The following DNAH10 variants were observed in gnomAD, a reference collection of about 807,000 sequenced individuals.
The protein encoded by DNAH10 is axonemal beta dynein heavy chain 10.
DNAH10 carries 348 observed loss-of-function variants against 506.6 expected under a neutral mutation model. The observed-to-expected ratio is 0.69, with a 90% CI of 0.63 to 0.75. The LOEUF is 0.75. Ranked by LOEUF, DNAH10 falls within the 30% of genes least tolerant of loss-of-function variation. The probability of loss-of-function intolerance (pLI) is 0.00; values close to 1 mark genes in which losing one functional copy is unlikely to be tolerated. For missense variants in DNAH10, 5,179 were observed against 5,787.1 expected (o/e 0.89, Z 3.41); for synonymous variants, 2,059 against 2,198.6 (o/e 0.94, Z 1.78).
intron 10 of DNAH10, among the ~76,000 whole-genome samples, chr12:123,788,574 C>T (rs1442964645): frequency 6.6e-6 from 1 of 152,120 alleles, no homozygotes; most frequent in Admixed American, 6.5e-5. Context: ...GTGGCAGTGC[C>T]CAGCCCGAGA....
intron 18 of DNAH10, among the ~76,000 whole-genome samples, chr12:123,805,921 C>T (rs1328091515): frequency 1.3e-5 from 2 of 151,860 alleles, no homozygotes; most frequent in East Asian, 1.9e-4. Flanking sequence ...GGACTACAGG[C>T]GCCCACCACT....
chr12:123,902,109 T>C lies in DNAH10; in HGVS notation c.9641-830T>C, dbSNP rs541988223. 5.9e-5 allele frequency among the ~76,000 whole-genome samples: 9 copies of C among 152,264 alleles called. No individual in the cohort carries two copies. The highest frequency in any genetic ancestry group is 3.9e-4 in the Admixed American group (6 of 15,294). On this transcript the variant is annotated intron_variant, in intron 56 of 78. Transcript: ENST00000673944. The surrounding 1 kb of genome is among the most constrained non-coding windows in gnomAD (Gnocchi z 4.5). ...CCTTGGTATTCCTTAGCTTAGCTTA[T>C]AAATGCACCACTCCAGCGTCTGTCT...
At chr12:123,933,577 A>G (rs1036900167) in intron 77 of DNAH10, 66 bp downstream of exon 77, 1 of 1,505,430 alleles carries the variant, frequency 6.6e-7, no homozygotes, top group East Asian at 2.4e-5. Flanking sequence ...ACCACCTCCA[A>G]CTCAAAGGGA....
intron 76 of DNAH10, 91 bp from the exon 77 acceptor site, chr12:123,933,240 C>A: frequency 1.6e-6 from 2 of 1,252,364 alleles, no homozygotes; most frequent in Non-Finnish European, 2.1e-6. Flanking sequence ...TGAAATATGT[C>A]TTTTATCATA....
intron 13 of DNAH10, among the ~76,000 whole-genome samples, chr12:123,797,414 A>T (rs1161139534): frequency 2.2e-5 from 3 of 138,402 alleles, no homozygotes; most frequent in African/African-American, 5.1e-5. Flanking sequence ...TTTTTTTAAG[A>T]CAAGGTCTTG....
intron 24 of DNAH10, among the ~76,000 whole-genome samples, chr12:123,821,017 AG>A (rs1283528892): frequency 6.6e-6 from 1 of 152,192 alleles, no homozygotes; most frequent in East Asian, 1.9e-4. Context: ...TGGGAGGCCA[AG>A]GCGGGTGCAT....
rs1951026532 is a variant in DNAH10 at position 123,848,053 on chromosome 12, G to A, written c.5907G>A (p.Leu1969=). 1.9e-6 allele frequency: 3 copies of A among 1,613,850 alleles called. No homozygotes were observed. The South Asian group carries it at 3.3e-5, about 18-fold the overall frequency. The change falls in exon 33 of 79, where the codon TTG becomes TTA. Residue 1969 remains leucine, a synonymous_variant. Coordinates refer to ENST00000673944, the MANE Select transcript of DNAH10 (RefSeq NM_001372106.1). ...AGGACCTGGCGAAAGCCTTGGGCTT[G>A]CTCTGTGTTGTCACCAACTGTGGCG... The part of the protein sequence containing the change: ...TTKDLAKALG[L]LCVVTNCGEG...
intron 73 of DNAH10, among the ~76,000 whole-genome samples, 170 bp from the exon 74 acceptor site, chr12:123,931,144 GGTCGAGGCTGTAGTGATCAATGACCAT>G (rs1955186912): frequency 6.6e-6 from 1 of 152,184 alleles, no homozygotes. Context: ...GAGCCCAGGA[GGTCGAGGCTGTAGTGATCAATGACCAT>G]GTCAGTGCAC....
intron 45 of DNAH10, 124 bp from the exon 46 acceptor site, chr12:123,873,434 G>C: frequency 9.2e-7 from 1 of 1,087,990 alleles, no homozygotes; most frequent in Non-Finnish European, 1.3e-6. Context: ...CTCACACTGG[G>C]TTATTAAAAA....
At chr12:123,896,463 C>A (rs534046755) in intron 54 of DNAH10, among the ~76,000 whole-genome samples, 1 of 152,228 alleles carries the variant, frequency 6.6e-6, no homozygotes, top group South Asian at 2.1e-4. Flanking sequence ...ACACTGGAAG[C>A]CATCATTCAT....
intron 36 of DNAH10, among the ~76,000 whole-genome samples, chr12:123,856,494 A>G (rs1951397280): frequency 6.7e-6 from 1 of 149,710 alleles, no homozygotes; most frequent in South Asian, 2.1e-4. Flanking sequence ...CTGCCGCCAC[A>G]CCCAGCTAAT....
chr12:123,774,991 A>C (rs182364098), intron 5 of DNAH10, among the ~76,000 whole-genome samples: 7 of 152,356 alleles, frequency 4.6e-5, no homozygotes, highest in African/African-American at 1.7e-4. Flanking sequence ...CTATGAGAAA[A>C]TACCGACAAG....
chr12:123,830,794 AAT>A lies in DNAH10; in HGVS notation c.4545+96_4545+97del, dbSNP rs372606156. ...CTCATCTATACTAAAAAAAAAAAAA[AAT>A]TAGCTGAGCGTGGTGGTATGCCATT... On this transcript the variant is annotated intron_variant, in intron 26 of 78. Transcript: ENST00000673944. 8.8e-3 allele frequency: 10,092 copies of A among 1,148,254 alleles called. 3 individuals carry two copies. The highest frequency in any genetic ancestry group is 0.012 in the South Asian group (596 of 50,754). The allele number at this position is 1,148,254 out of a possible 1,614,324, so 71.1% of individuals were successfully genotyped here.
chr12:123,881,099 C>T (rs755072577), intron 50 of DNAH10, among the ~76,000 whole-genome samples: 32 of 151,944 alleles, frequency 2.1e-4, no homozygotes, highest in Non-Finnish European at 4.3e-4. Flanking sequence ...TGAGTAGTGC[C>T]GCAATAAACA....
At chr12:123,935,182 G>A (rs529406184) in intron 78 of DNAH10, among the ~76,000 whole-genome samples, 153 bp from the exon 79 acceptor site, 11 of 152,314 alleles carry the variant, frequency 7.2e-5, no homozygotes, top group African/African-American at 2.4e-4. Context: ...TGAAGCTGGC[G>A]GAGGGTGGCC....
chr12:123,811,056 A>G (rs1003765426), intron 19 of DNAH10, among the ~76,000 whole-genome samples: 3 of 152,208 alleles, frequency 2.0e-5, no homozygotes, highest in African/African-American at 7.2e-5. Flanking sequence ...CATTAAAAAG[A>G]TCTTGGCAAA....
At chr12:123,810,553 C>T (rs539341109) in intron 19 of DNAH10, among the ~76,000 whole-genome samples, 47 of 152,152 alleles carry the variant, frequency 3.1e-4, no homozygotes, top group Non-Finnish European at 4.9e-4. Context: ...ATTAGCTGGG[C>T]GTGGTGGCGG....
intron 39 of DNAH10, 22 bp downstream of exon 39, chr12:123,861,192 A>G: frequency 2.5e-6 from 4 of 1,612,346 alleles, no homozygotes; most frequent in Non-Finnish European, 3.4e-6. Context: ...TGTAGGTAGG[A>G]AAGAGCCTGG....
At chr12:123,857,871 T>C (rs1333466584) in intron 37 of DNAH10, among the ~76,000 whole-genome samples, 1 of 152,202 alleles carries the variant, frequency 6.6e-6, no homozygotes, top group Non-Finnish European at 1.5e-5. Flanking sequence ...GCTTACCTTC[T>C]CCCCTCCCTC....
Sources: gnomAD v4.1 joint callset for allele counts (sites outside exome capture counted in the v4.1 genomes callset) on GRCh38, gnomAD v4.1.1 for gene constraint, Gnocchi (gnomAD v3.1) non-coding constraint, MANE v1.5 for transcripts, NCBI Gene and HGNC (gene_info 2026-07-23, HGNC 2026-07-21) for gene names.